JMJD1C: variants seen among roughly 807,000 people sequenced by gnomAD.
JMJD1C encodes the protein jumonji domain-containing protein 1C.
In JMJD1C, 31 loss-of-function variants were observed where a neutral mutation model predicts 245.3. The ratio of observed to expected loss-of-function variants is 0.13; its 90% confidence interval spans 0.09 to 0.17. JMJD1C has a LOEUF of 0.17. Among genes scored for constraint, JMJD1C ranks in the 10% least tolerant of loss-of-function variants. The pLI is 1.00. For synonymous variants in JMJD1C, 1,057 were observed against 1,017.4 expected, an observed-to-expected ratio of 1.04 and a Z score of -0.74; for missense variants, 2,691 against 3,000.2, an observed-to-expected ratio of 0.90 and a Z score of 2.41.
At chr10:63,385,618 A>T (rs1947535764) in intron 1 of JMJD1C, among the ~76,000 whole-genome samples, 1 of 151,138 alleles carries the variant, frequency 6.6e-6, no homozygotes, top group African/African-American at 2.4e-5. Flanking sequence ...TTTCTTTTTT[A>T]AATTTATTTT....
chr10:63,364,203 C>T (rs1945654646), intron 2 of JMJD1C, among the ~76,000 whole-genome samples: 1 of 151,822 alleles, frequency 6.6e-6, no homozygotes, highest in South Asian at 2.1e-4. Context: ...CAGATGAGGA[C>T]TTACTATGTT....
At chr10:63,258,734 C>G (rs1341705548) in intron 3 of JMJD1C, among the ~76,000 whole-genome samples, 1 of 152,136 alleles carries the variant, frequency 6.6e-6, no homozygotes, top group Non-Finnish European at 1.5e-5. Context: ...CTCCTTAAAT[C>G]CAGTCTACTT....
At chr10:63,375,081 C>T (rs1258863991) in intron 2 of JMJD1C, among the ~76,000 whole-genome samples, 1 of 151,906 alleles carries the variant, frequency 6.6e-6, no homozygotes, top group East Asian at 1.9e-4. Context: ...AGCAGGGATC[C>T]CTTGTCTTAT....
chr10:63,513,825 A>C (rs112583813), intron 1 of JMJD1C, among the ~76,000 whole-genome samples: 22,565 of 152,120 alleles, frequency 0.15, 3,911 homozygotes, highest in African/African-American at 0.42. Context: ...AGGCAGGAGA[A>C]TGGCGTGAAC....
At chr10:63,366,078 T>C (rs1275887274) in intron 2 of JMJD1C, among the ~76,000 whole-genome samples, 2 of 152,210 alleles carry the variant, frequency 1.3e-5, no homozygotes, top group Admixed American at 6.5e-5. Flanking sequence ...CCCTACTATA[T>C]AACAGCACAC....
intron 2 of JMJD1C, among the ~76,000 whole-genome samples, chr10:63,356,241 T>TTGTCTTC (rs1944834282): frequency 6.6e-6 from 1 of 152,116 alleles, no homozygotes; most frequent in Non-Finnish European, 1.5e-5. Flanking sequence ...AAGACAAACT[T>TTGTCTTC]TACCTACAAA....
chr10:63,311,370 C>G (rs1408694807), intron 2 of JMJD1C, among the ~76,000 whole-genome samples: 2 of 152,030 alleles, frequency 1.3e-5, no homozygotes, highest in Non-Finnish European at 2.9e-5. Flanking sequence ...CAGAGTGAGA[C>G]TCTGTCTCAA....
At chr10:63,415,314 TC>T (rs1379954017) in intron 1 of JMJD1C, among the ~76,000 whole-genome samples, 2 of 152,166 alleles carry the variant, frequency 1.3e-5, no homozygotes, top group African/African-American at 4.8e-5. Context: ...ATAACCCTTC[TC>T]CATCTAATAA....
chr10:63,389,926 T>C (rs1249049418), intron 1 of JMJD1C, among the ~76,000 whole-genome samples: 3 of 152,104 alleles, frequency 2.0e-5, no homozygotes, highest in Non-Finnish European at 4.4e-5. Context: ...AATTAATACC[T>C]ATAACCAAAA....
intron 2 of JMJD1C, among the ~76,000 whole-genome samples, chr10:63,357,180 C>T (rs1035224256): frequency 1.3e-5 from 2 of 151,802 alleles, no homozygotes; most frequent in African/African-American, 2.4e-5. Context: ...ACTATAGATG[C>T]GTGCCACCAC....
At chr10:63,265,347 G>C (rs74317191) in intron 2 of JMJD1C, among the ~76,000 whole-genome samples, 1 of 150,316 alleles carries the variant, frequency 6.7e-6, no homozygotes, top group Non-Finnish European at 1.5e-5. Context: ...GAGAGAGTCC[G>C]GTAAGAAGTA....
chr10:63,429,980 A>G (rs1950653417), intron 1 of JMJD1C, among the ~76,000 whole-genome samples: 1 of 152,158 alleles, frequency 6.6e-6, no homozygotes, highest in African/African-American at 2.4e-5. Context: ...ACTCTATCCC[A>G]TTTCTAAATA....
intron 3 of JMJD1C, among the ~76,000 whole-genome samples, chr10:63,244,003 C>A (rs1357987149): frequency 6.6e-6 from 1 of 152,174 alleles, no homozygotes; most frequent in African/African-American, 2.4e-5. Flanking sequence ...TTCCCTACCA[C>A]CTGGGGTTTT....
At chr10:63,444,296 TAG>T (rs1951562505) in intron 1 of JMJD1C, among the ~76,000 whole-genome samples, 2 of 151,982 alleles carry the variant, frequency 1.3e-5, no homozygotes, top group South Asian at 2.1e-4. Flanking sequence ...TATTTTGAGA[TAG>T]AGTCTCACTC....
Position 63,425,713 on chromosome 10 carries a change from A to C in JMJD1C, c.168+39782T>G, listed in dbSNP as rs1950401079. Reference sequence around the variant, plus strand: ...GGGAGGACTGCTTAGGCCCAGGAGGAGAAGGTGGCAGTGAGCCAAGATTGC... The same window carrying C: ...GGGAGGACTGCTTAGGCCCAGGAGGCGAAGGTGGCAGTGAGCCAAGATTGC... On this transcript the variant is annotated intron_variant, in intron 1 of 25. Transcript: ENST00000399262. Among the ~76,000 whole-genome samples the C allele has an allele frequency of 2.0e-5, 3 of 152,206 alleles. No homozygotes were observed. The South Asian group carries it at 6.2e-4, about 32-fold the overall frequency.
chr10:63,271,418 T>C (rs1432782795), intron 2 of JMJD1C, among the ~76,000 whole-genome samples: 3 of 152,118 alleles, frequency 2.0e-5, no homozygotes, highest in African/African-American at 4.8e-5. Flanking sequence ...CCTCAAATGA[T>C]CCACCGATCT....
intron 2 of JMJD1C, among the ~76,000 whole-genome samples, chr10:63,353,878 G>T (rs549616938): frequency 2.7e-5 from 4 of 146,302 alleles, no homozygotes; most frequent in African/African-American, 1.0e-4. Context: ...GTCTCGCTTG[G>T]TAGCCAGGCT....
chr10:63,441,308 A>C (rs1406328474), intron 1 of JMJD1C, among the ~76,000 whole-genome samples: 1 of 152,164 alleles, frequency 6.6e-6, no homozygotes, highest in Admixed American at 6.5e-5. Flanking sequence ...TGGACTCTGG[A>C]GTCATAGGAC....
chr10:63,369,684 C>T (rs760649038), intron 2 of JMJD1C, among the ~76,000 whole-genome samples: 3 of 152,158 alleles, frequency 2.0e-5, no homozygotes, highest in South Asian at 4.1e-4. Flanking sequence ...TAAATGTAGA[C>T]GTTCAAATAT....
Sources: allele counts gnomAD v4.1 joint callset (sites outside exome capture counted in the v4.1 genomes callset), GRCh38; gene constraint gnomAD v4.1.1; transcripts MANE v1.5; gene names NCBI Gene and HGNC (gene_info 2026-07-23, HGNC 2026-07-21).